The following EBF1 variants were observed in gnomAD, a reference collection of about 807,000 sequenced individuals.
EBF1 encodes EBF transcription factor 1.
EBF1 carries 10 observed loss-of-function variants against 68.4 expected under a neutral mutation model. The observed-to-expected ratio is 0.15, with a 90% confidence interval of 0.09 to 0.25. The LOEUF is 0.25. Among genes scored for constraint, EBF1 ranks in the 10% least tolerant of loss-of-function variants. The pLI is 1.00. For synonymous variants in EBF1, 298 were observed against 299.8 expected (o/e 0.99, Z 0.06); for missense variants, 509 against 794.4 (o/e 0.64, Z 4.32).
intron 6 of EBF1, among the ~76,000 whole-genome samples, chr5:158,960,905 C>T (rs1818056611): frequency 6.6e-6 from 1 of 152,262 alleles, no homozygotes; most frequent in South Asian, 2.1e-4. Flanking sequence ...AACAGATCTC[C>T]CAGCCCCGGT....
At chr5:158,920,367 C>A (rs911603753) in intron 6 of EBF1, among the ~76,000 whole-genome samples, 1 of 152,184 alleles carries the variant, frequency 6.6e-6, no homozygotes, top group Non-Finnish European at 1.5e-5. Context: ...ATTGTTCTAC[C>A]TTTTCCATCC....
At position 159,097,031 on chromosome 5, in the gene EBF1, C is replaced by G; in HGVS notation, c.234G>C (p.Gln78His). ...FHFVLALYDR[Q>H]GQPVEIERTA... ...TCCTCTCGATCTCCACGGGCTGGCC[C>G]TGTCTGTCGTAGAGGGCCAGGACGA... Residue 78 changes from glutamine (Q) to histidine (H), a missense_variant, in exon 2 of 16, where the codon CAG (glutamine) becomes CAC (histidine). Around this residue, in one of 3 missense-constraint regions of EBF1, gnomAD observed 230 missense variants for 467.7 expected, o/e 0.49. Coordinates refer to ENST00000313708, the MANE Select transcript of EBF1 (RefSeq NM_024007.5). 1.9e-6 allele frequency: 3 copies of G among 1,614,092 alleles called. No homozygotes were observed. The highest frequency in any genetic ancestry group is 2.5e-6 in the Non-Finnish European group (3 of 1,179,992).
At chr5:159,094,510 A>G (rs752837560) in intron 4 of EBF1, among the ~76,000 whole-genome samples, 36 of 152,218 alleles carry the variant, frequency 2.4e-4, no homozygotes, top group Non-Finnish European at 4.0e-4. Context: ...ACAGCTTATT[A>G]ATGTGACATT....
At chr5:158,822,959 G>C (rs1785181515) in intron 8 of EBF1, among the ~76,000 whole-genome samples, 2 of 152,118 alleles carry the variant, frequency 1.3e-5, no homozygotes, top group Admixed American at 6.6e-5. Context: ...CCAGAGTAGA[G>C]AGTGGTCCCA....
chr5:158,916,927 C>T (rs759050144), intron 6 of EBF1, among the ~76,000 whole-genome samples: 4 of 152,122 alleles, frequency 2.6e-5, no homozygotes, highest in Admixed American at 1.3e-4. Context: ...CAATGTGTGC[C>T]GCAAGCAAGA....
chr5:158,823,096 A>T (rs1324076576), intron 8 of EBF1, 80 bp downstream of exon 8: 18 of 1,583,428 alleles, frequency 1.1e-5, no homozygotes, highest in East Asian at 8.9e-5. Flanking sequence ...AGAATAGAAC[A>T]TGTGGTGGAG....
chr5:158,800,979 C>G (rs1780468083), intron 8 of EBF1, among the ~76,000 whole-genome samples: 1 of 152,166 alleles, frequency 6.6e-6, no homozygotes, highest in Admixed American at 6.5e-5. Context: ...TTTTCACACT[C>G]ATAAGTATCC....
At chr5:158,798,410 A>T (rs1191073735) in intron 8 of EBF1, among the ~76,000 whole-genome samples, 1 of 152,050 alleles carries the variant, frequency 6.6e-6, no homozygotes, top group Non-Finnish European at 1.5e-5. Flanking sequence ...GTTAATTTTT[A>T]TTTTTTTAAT....
intron 6 of EBF1, among the ~76,000 whole-genome samples, chr5:159,012,258 G>A (rs550950748): frequency 1.7e-4 from 26 of 150,768 alleles, no homozygotes; most frequent in African/African-American, 5.6e-4. Flanking sequence ...CTGCATTCTC[G>A]CCTGGCAACA....
chr5:158,899,581 C>T (rs1375416485), intron 6 of EBF1, among the ~76,000 whole-genome samples: 2 of 152,134 alleles, frequency 1.3e-5, no homozygotes, highest in African/African-American at 4.8e-5. Flanking sequence ...AATCAGACAC[C>T]AAAGCTGTTA....
chr5:158,944,035 G>A (rs1222638868), intron 6 of EBF1, among the ~76,000 whole-genome samples: 1 of 152,270 alleles, frequency 6.6e-6, no homozygotes, highest in East Asian at 1.9e-4. Flanking sequence ...GTGTAAGCAG[G>A]AGAGACAAAA....
At chr5:158,953,454 G>T (rs1268339607) in intron 6 of EBF1, among the ~76,000 whole-genome samples, 1 of 152,200 alleles carries the variant, frequency 6.6e-6, no homozygotes, top group African/African-American at 2.4e-5. Context: ...AGTCCGGAGA[G>T]TTTGGGCCTC....
chr5:158,810,629 T>G (rs760235060), intron 8 of EBF1, among the ~76,000 whole-genome samples: 1 of 152,188 alleles, frequency 6.6e-6, no homozygotes, highest in Non-Finnish European at 1.5e-5. Context: ...GGTATCCTGC[T>G]GATTGCAACT....
At chr5:158,815,855 A>G (rs1434919819) in intron 8 of EBF1, among the ~76,000 whole-genome samples, 1 of 152,194 alleles carries the variant, frequency 6.6e-6, no homozygotes, top group Non-Finnish European at 1.5e-5. Flanking sequence ...TTTCTATTTC[A>G]AGGAAAGACA....
At chr5:158,858,178 A>T (rs1431172852) in intron 6 of EBF1, among the ~76,000 whole-genome samples, 2 of 152,188 alleles carry the variant, frequency 1.3e-5, no homozygotes, top group Non-Finnish European at 2.9e-5. Context: ...GACAGCCACC[A>T]GAATTACTGT....
At chr5:158,830,548 G>A (rs1311538862) in intron 7 of EBF1, among the ~76,000 whole-genome samples, 1 of 152,196 alleles carries the variant, frequency 6.6e-6, no homozygotes, top group African/African-American at 2.4e-5. Flanking sequence ...GGGATTACAG[G>A]TGTAAGCCAA....
intron 6 of EBF1, among the ~76,000 whole-genome samples, chr5:159,002,465 T>C (rs1336435043): frequency 6.6e-6 from 1 of 152,216 alleles, no homozygotes; most frequent in African/African-American, 2.4e-5. Context: ...AGTTCATTAA[T>C]GTGAGACGAT....
At chr5:158,944,230 C>A (rs1334647875) in intron 6 of EBF1, among the ~76,000 whole-genome samples, 2 of 152,132 alleles carry the variant, frequency 1.3e-5, no homozygotes, top group Non-Finnish European at 2.9e-5. Flanking sequence ...TCCTCCACCC[C>A]CCTACAGGCC....
chr5:158,962,066 C>T (rs188748892), intron 6 of EBF1, among the ~76,000 whole-genome samples: 63 of 152,266 alleles, frequency 4.1e-4, no homozygotes, highest in Middle Eastern at 3.4e-3. Context: ...TACCAATTGT[C>T]ACAGATTTGG....
Sources: gnomAD v4.1 joint callset for allele counts (sites outside exome capture counted in the v4.1 genomes callset) on GRCh38, gnomAD v4.1.1 for gene constraint, gnomAD v4.1.1 regional missense constraint, MANE v1.5 for transcripts, NCBI Gene and HGNC (gene_info 2026-07-23, HGNC 2026-07-21) for gene names.